CD1C: variants seen among roughly 807,000 people sequenced by gnomAD.
CD1C encodes T-cell surface glycoprotein CD1c.
A neutral mutation model predicts 39.4 loss-of-function variants in CD1C; 47 were observed. The ratio of observed to expected loss-of-function variants is 1.19; its 90% confidence interval spans 0.94 to 1.52. The LOEUF (loss-of-function observed/expected upper bound fraction) is 1.52, where lower values mean the gene tolerates loss of function less well. Among genes scored for constraint, CD1C ranks in the 40% most tolerant of loss-of-function variants. CD1C has a pLI of 0.00. For missense variants in CD1C, 417 were observed against 395.2 expected (o/e 1.06, Z -0.47); for synonymous variants, 165 against 150.8 (o/e 1.09, Z -0.69).
At chr1:158,293,167 CA>C (rs1163876949) in intron 4 of CD1C, 44 bp from the exon 5 acceptor site, 2 of 1,374,066 alleles carry the variant, frequency 1.5e-6, no homozygotes, top group Non-Finnish European at 2.1e-6. Context: ...ATAGAATCAG[CA>C]GTGAGTTTAA....
chr1:158,292,488 T>G, intron 3 of CD1C, 108 bp from the exon 4 acceptor site: 2 of 1,491,354 alleles, frequency 1.3e-6, no homozygotes, highest in Non-Finnish European at 1.8e-6. Context: ...GGTAATAGTT[T>G]CTTAGAGGCA....
Position 158,292,776 on chromosome 1 carries a change from T to C in CD1C, c.791T>C (p.Leu264Pro). ...CCTAATGCTGATGGGACATGGTATC[T>C]TCAGGTGATCCTGGAGGTGGCATCT... ...ILPNADGTWY[L>P]QVILEVASEE... The change falls in exon 4 of 6, where the codon CTT (leucine) becomes CCT (proline). Residue 264 changes from leucine to proline, a missense_variant. Transcript: ENST00000368170. 6.2e-7 allele frequency: 1 copy of C among 1,614,188 alleles called. No individual in the cohort carries two copies. Among genetic ancestry groups the C allele is most frequent in the Non-Finnish European group, 8.5e-7 (1 of 1,180,000 alleles).
Position 158,292,874 on chromosome 1 carries a change from G to T in CD1C, c.889G>T (p.Gly297Ter). Reference sequence around the variant, plus strand: ...AGGCCAGGACATCATCCTCTACTGGGGTAAGACTGGAGGTTGGAAGTGTAG... The same window carrying T: ...AGGCCAGGACATCATCCTCTACTGGTGTAAGACTGGAGGTTGGAAGTGTAG... ...LGGQDIILYWGHHFSMNWIAL... is the reference protein window; with the variant it reads ...LGGQDIILYW The change falls in exon 4 of 6, where the codon GGA becomes TGA. Residue 297 changes from glycine (G) to a stop codon, truncating the protein, a stop_gained and splice_region_variant. Transcript: ENST00000368170. LOFTEE classifies it high-confidence loss of function. 2 of 1,613,630 alleles carry T rather than the reference G, an allele frequency of 1.2e-6. No individual in the cohort carries two copies. The highest frequency in any genetic ancestry group is 8.5e-7 in the Non-Finnish European group (1 of 1,179,644).
At chr1:158,292,927 G>A (rs1354789302) in intron 4 of CD1C, 53 bp downstream of exon 4, 6 of 1,571,948 alleles carry the variant, frequency 3.8e-6, no homozygotes, top group Non-Finnish European at 5.2e-6. Flanking sequence ...CTAGAGGTTA[G>A]GGGAGAGGAA....
In CD1C at chr1:158,290,990, G is replaced by A. The variant is rs549090674; in HGVS notation, c.62-144G>A. On this transcript the variant is annotated intron_variant, in intron 1 of 5. Transcript: ENST00000368170. ...TTTAGAGGATGGTGGCAGAGCATGG[G>A]GCTCTGTGTAAGGAAAATGGTATAG... The A allele has an allele frequency of 5.7e-5, 47 of 824,120 alleles. No homozygotes were observed. In the East Asian group the frequency reaches 6.1e-4, roughly 11 times the overall value. 51.1% of individuals were successfully genotyped at this position (824,120 alleles called of 1,614,324 possible).
At chr1:158,291,846 A>G (rs1427984795) in intron 2 of CD1C, among the ~76,000 whole-genome samples, 1 of 151,962 alleles carries the variant, frequency 6.6e-6, no homozygotes, top group Non-Finnish European at 1.5e-5. Context: ...CTCACCTATC[A>G]TTTTTCCACA....
At position 158,292,644 on chromosome 1, in the gene CD1C, A is replaced by G. The variant is rs1651085856; in HGVS notation, c.659A>G (p.Gln220Arg). 3.1e-6 allele frequency: 5 copies of G among 1,613,438 alleles called. No homozygotes were observed. Among genetic ancestry groups the G allele is most frequent in the Non-Finnish European group, 4.2e-6 (5 of 1,180,050 alleles). The change falls in exon 4 of 6, where the codon CAG becomes CGG. Residue 220 changes from glutamine (Q) to arginine (R), a missense_variant. Gln to Arg is a conservative substitution (Grantham distance 43). Transcript: ENST00000368170. ...AGTCGCCCCAGCCTTGGGTCTGGCC[A>G]GCTGTTGCTGGTTTGTCATGCCTCC... is the stretch of plus-strand genomic sequence containing the variant. ...LSSRPSLGSG[Q>R]LLLVCHASGF...
intron 1 of CD1C, 46 bp from the exon 2 acceptor site, chr1:158,291,088 C>CTT (rs375739413): frequency 2.2e-4 from 279 of 1,263,998 alleles, no homozygotes; most frequent in South Asian, 5.4e-4. Context: ...CCTTGCCTCT[C>CTT]TTTTTTTTTT....
rs1260416380 is a variant in CD1C, at chr1:158,294,713, TA to T, written c.*1239del. ...AACTACTGATATACTTTATGTCACTTAAGCTTAAACTTGTATTTTCTATGAT... is the reference window on the plus strand; with the variant it reads ...AACTACTGATATACTTTATGTCACTTAGCTTAAACTTGTATTTTCTATGAT... On this transcript the variant is annotated 3_prime_UTR_variant, in exon 6 of 6. Transcript: ENST00000368170. Among the ~76,000 whole-genome samples, 2 of 152,328 alleles carry T rather than the reference TA, an allele frequency of 1.3e-5. No homozygotes were observed. Among genetic ancestry groups the T allele is most frequent in the East Asian group, 3.9e-4 (2 of 5,186 alleles).
In CD1C at chr1:158,290,199, A is replaced by G. The variant is rs1478790982; in HGVS notation, c.61+74A>G. 4 of 1,318,640 alleles carry G rather than the reference A, an allele frequency of 3.0e-6. No individual in the cohort carries two copies. In the East Asian group the frequency reaches 9.3e-5, roughly 31 times the overall value. 81.7% of individuals were successfully genotyped at this position (1,318,640 alleles called of 1,614,324 possible). A position where few individuals can be genotyped will look rare whatever the true frequency, so the allele number is the denominator to read the frequency against. On this transcript the variant is annotated intron_variant, in intron 1 of 5. Transcript: ENST00000368170. ...GTGCTGGGCTTTCCCGAGATGGATC[A>G]ATAGAGATGCCAGAATGCTTGCCAT...
chr1:158,293,167 C>A lies in CD1C; in HGVS notation c.890-45C>A, dbSNP rs755363085. ...AAATCAATAGATGGAATAGAATCAG[C>A]AGTGAGTTTAAAATGGCATCCATGT... is the stretch of plus-strand genomic sequence containing the variant. On this transcript the variant is annotated intron_variant, in intron 4 of 5. Transcript: ENST00000368170. 24 of 1,374,056 alleles carry A rather than the reference C, an allele frequency of 1.7e-5. No individual in the cohort carries two copies. In the Admixed American group the frequency reaches 4.3e-4, roughly 25 times the overall value. The allele number at this position is 1,374,056 out of a possible 1,614,324, so 85.1% of individuals were successfully genotyped here. A position where few individuals can be genotyped will look rare whatever the true frequency, so the allele number is the denominator to read the frequency against.
chr1:158,293,366 CTT>C (rs1180297540), intron 5 of CD1C, 64 bp downstream of exon 5: 2 of 1,594,106 alleles, frequency 1.3e-6, no homozygotes, highest in South Asian at 1.1e-5. Flanking sequence ...TTTTCACTCT[CTT>C]AGCTTTTCTC....
intron 2 of CD1C, 29 bp from the exon 3 acceptor site, chr1:158,292,055 C>A (rs759582146): frequency 1.3e-6 from 2 of 1,580,872 alleles, no homozygotes; most frequent in Non-Finnish European, 1.7e-6. Flanking sequence ...TTTGTTTGAA[C>A]TCTTTTTCTC....
At chr1:158,291,661 G>A (rs1651045865) in intron 2 of CD1C, among the ~76,000 whole-genome samples, 1 of 151,974 alleles carries the variant, frequency 6.6e-6, no homozygotes, top group Admixed American at 6.6e-5. Context: ...ATACACAGCT[G>A]TCCCACTCTG....
In CD1C at chr1:158,292,593, C is replaced by T; in HGVS notation, c.611-3C>T. 5 of 1,611,896 alleles carry T rather than the reference C, an allele frequency of 3.1e-6. No individual in the cohort carries two copies. Among genetic ancestry groups the T allele is most frequent in the Non-Finnish European group, 3.4e-6 (4 of 1,179,600 alleles). On this transcript the variant is annotated splice_region_variant and splice_polypyrimidine_tract_variant and intron_variant, in intron 3 of 5. Coordinates refer to ENST00000368170, the MANE Select transcript of CD1C (RefSeq NM_001765.3). Reference sequence around the variant, plus strand: ...ATCAGAACACTTTTTCTGCTCTCTGCAGTGAGGCCAGAAGCCTGGCTGTCC... The same window carrying T: ...ATCAGAACACTTTTTCTGCTCTCTGTAGTGAGGCCAGAAGCCTGGCTGTCC...
Position 158,293,500 on chromosome 1 carries a change from T to C in CD1C, c.*24T>C, listed in dbSNP as rs758478016. 4 of 1,614,074 alleles carry C rather than the reference T, an allele frequency of 2.5e-6. No individual in the cohort carries two copies. Among genetic ancestry groups the C allele is most frequent in the South Asian group, 2.2e-5 (2 of 91,082 alleles). On this transcript the variant is annotated 3_prime_UTR_variant, in exon 6 of 6. Coordinates refer to ENST00000368170, the MANE Select transcript of CD1C (RefSeq NM_001765.3). The stretch of plus-strand genomic sequence containing the variant: ...GAGACTCTTCCCCCTGACTCCCCCA[T>C]TGTGTTAAGAACCCAGCAACCCAGG...
chr1:158,293,287 G>T lies in CD1C; in HGVS notation c.965G>T (p.Trp322Leu), dbSNP rs778204305. 1.2e-6 allele frequency: 2 copies of T among 1,613,668 alleles called. No homozygotes were observed. Among genetic ancestry groups the T allele is most frequent in the Non-Finnish European group, 1.7e-6 (2 of 1,179,732 alleles). The change falls in exon 5 of 6, where the codon TGG becomes TTG. Residue 322 changes from tryptophan (W) to leucine (L), a missense_variant. Physicochemically the swap from Trp to Leu is moderately conservative, Grantham distance 61. Transcript: ENST00000368170. ...PLVILIVLVL[W>L]FKKHCSYQDI... ...GTGATTCTAATAGTCCTTGTGTTATGGTTTAAGAAGCACTGGTGAGTTTTT... is the reference window on the plus strand; with the variant it reads ...GTGATTCTAATAGTCCTTGTGTTATTGTTTAAGAAGCACTGGTGAGTTTTT...
Position 158,292,096 on chromosome 1 carries a change from T to A in CD1C, c.341T>A (p.Val114Glu). ...SQDYSKYPFE[V>E]QVKAGCELHS... ...TCCCTTCCTCCAGATCCCTTTGAAG[T>A]ACAGGTGAAAGCGGGCTGTGAGCTG... The change falls in exon 3 of 6, where the codon GTA (valine) becomes GAA (glutamate). Residue 114 changes from valine (V) to glutamate (E), a missense_variant. Transcript: ENST00000368170. 1 of 1,613,800 alleles carries A rather than the reference T, an allele frequency of 6.2e-7. No homozygotes were observed. Among genetic ancestry groups the A allele is most frequent in the South Asian group, 1.1e-5 (1 of 91,024 alleles).
chr1:158,291,839 A>G (rs1048238737), intron 2 of CD1C, among the ~76,000 whole-genome samples: 1 of 151,846 alleles, frequency 6.6e-6, no homozygotes, highest in Admixed American at 6.6e-5. Flanking sequence ...TATGTGGCTC[A>G]CCTATCATTT....
Sources: gnomAD v4.1 joint callset for allele counts (sites outside exome capture counted in the v4.1 genomes callset) on GRCh38, gnomAD v4.1.1 for gene constraint, MANE v1.5 for transcripts, NCBI Gene and HGNC (gene_info 2026-07-23, HGNC 2026-07-21) for gene names.